TMEM272: variants seen among roughly 807,000 people sequenced by gnomAD.
The protein encoded by TMEM272 is transmembrane protein 272.
In TMEM272, 8 loss-of-function variants were observed where a neutral mutation model predicts 3.7. The observed-to-expected ratio is 2.17, with a 90% CI of 1.27 to 3.91. The LOEUF (loss-of-function observed/expected upper bound fraction) is 3.91, where lower values mean the gene tolerates loss of function less well. Among genes scored for constraint, TMEM272 ranks in the 30% most tolerant of loss-of-function variants. The pLI, the probability that TMEM272 is intolerant of heterozygous loss-of-function variation, is 0.00. For missense variants in TMEM272, 166 were observed against 91.5 expected (o/e 1.81, Z -3.32); for synonymous variants, 63 against 39.8 (o/e 1.58, Z -2.20).
At chr13:51,917,057 C>T in the TMEM272 span, among the ~76,000 whole-genome samples, 44,265 of 152,102 alleles carry the variant, frequency 0.29, 6,593 homozygotes, top group East Asian at 0.49. Flanking sequence ...GCCCTAGCTG[C>T]CCATCTGCTG....
the TMEM272 span, among the ~76,000 whole-genome samples, chr13:51,893,669 C>G: frequency 6.6e-6 from 1 of 152,098 alleles, no homozygotes; most frequent in East Asian, 1.9e-4. Flanking sequence ...TCAGCATCAG[C>G]TGAAGACTCG....
chr13:51,908,372 GAC>G, the TMEM272 span: 2 of 1,502,020 alleles, frequency 1.3e-6, no homozygotes. Flanking sequence ...TCGGTGGACA[GAC>G]ATTTCTCATT....
intron 2 of TMEM272, among the ~76,000 whole-genome samples, chr13:51,837,516 A>G (rs1956225781): frequency 6.6e-6 from 1 of 152,200 alleles, no homozygotes; most frequent in South Asian, 2.1e-4. Flanking sequence ...GTAAAATGTC[A>G]GGGCTGTGCG....
chr13:51,926,983 A>G, the TMEM272 span, among the ~76,000 whole-genome samples: 1,718 of 152,264 alleles, frequency 0.011, 26 homozygotes, highest in African/African-American at 0.037. Flanking sequence ...AGGGGAAAAC[A>G]AAGCCCCCAG....
chr13:51,852,653 G>A, the TMEM272 span, among the ~76,000 whole-genome samples: 1 of 152,190 alleles, frequency 6.6e-6, no homozygotes, highest in Non-Finnish European at 1.5e-5. Flanking sequence ...GCCAAGGCGG[G>A]CAGATCATGA....
the TMEM272 span, among the ~76,000 whole-genome samples, chr13:51,915,929 T>A: frequency 1.3e-5 from 2 of 151,980 alleles, no homozygotes; most frequent in African/African-American, 4.8e-5. Context: ...AAAAATTAGC[T>A]GGGCGTGGTG....
chr13:51,863,667 A>G, the TMEM272 span, among the ~76,000 whole-genome samples: 1 of 77,460 alleles, frequency 1.3e-5, no homozygotes, highest in Non-Finnish European at 2.7e-5. Context: ...ATGCACGCGC[A>G]CACAGACACA....
the TMEM272 span, among the ~76,000 whole-genome samples, chr13:51,897,926 C>CAAA: frequency 0.16 from 15,503 of 98,410 alleles, 1,946 homozygotes; most frequent in African/African-American, 0.21. Context: ...GACTCCATCT[C>CAAA]AAAAAAAAAA....
chr13:51,911,529 C>T, the TMEM272 span, among the ~76,000 whole-genome samples: 10 of 152,224 alleles, frequency 6.6e-5, no homozygotes, highest in Non-Finnish European at 1.0e-4. Flanking sequence ...ACCTCCCGCG[C>T]ATGCACATAT....
chr13:51,877,698 C>T, the TMEM272 span, among the ~76,000 whole-genome samples: 536 of 152,312 alleles, frequency 3.5e-3, 2 homozygotes, highest in African/African-American at 0.012. Context: ...AGTATTTAGA[C>T]AATGAAGATA....
the TMEM272 span, chr13:51,862,037 T>C: frequency 1.4e-4 from 21 of 152,352 alleles, no homozygotes; most frequent in African/African-American, 4.8e-4. Flanking sequence ...CTCCTTTCCT[T>C]AAAGTCTTTT....
intron 1 of TMEM272, among the ~76,000 whole-genome samples, chr13:51,839,333 C>T (rs1168627076): frequency 2.6e-5 from 4 of 152,162 alleles, no homozygotes; most frequent in African/African-American, 7.2e-5. Context: ...GAGGTAGCCC[C>T]GTAAAGACAC....
the TMEM272 span, among the ~76,000 whole-genome samples, chr13:51,915,871 G>GAGAACTTCC: frequency 1.2e-4 from 19 of 152,174 alleles, no homozygotes; most frequent in Non-Finnish European, 2.4e-4. Flanking sequence ...TCAAGAGATG[G>GAGAACTTCC]AGAACTTCCT....
chr13:51,933,596 T>C, the TMEM272 span: 3 of 152,250 alleles, frequency 2.0e-5, no homozygotes, highest in African/African-American at 4.8e-5. Flanking sequence ...GATGCTCCCT[T>C]CGGGGTGCTG....
the TMEM272 span, among the ~76,000 whole-genome samples, chr13:51,915,911 A>G: frequency 3.3e-5 from 5 of 152,106 alleles, no homozygotes; most frequent in African/African-American, 9.7e-5. Context: ...TGTCTCTACT[A>G]AAAATACAAA....
chr13:51,867,619 CT>C, the TMEM272 span, among the ~76,000 whole-genome samples: 1,827 of 152,264 alleles, frequency 0.012, 42 homozygotes, highest in African/African-American at 0.042. Context: ...GCCTGGGTTA[CT>C]GCATGGCCAA....
At chr13:51,822,699 C>T (rs1305101018) in intron 3 of TMEM272, among the ~76,000 whole-genome samples, 2 of 152,172 alleles carry the variant, frequency 1.3e-5, no homozygotes, top group African/African-American at 2.4e-5. Context: ...CCATGCCACT[C>T]GCTGGACCCC....
the TMEM272 span, chr13:51,865,586 T>G: frequency 1.9e-6 from 3 of 1,614,208 alleles, no homozygotes; most frequent in Non-Finnish European, 2.5e-6. Flanking sequence ...GGAAGAGATG[T>G]GGACTTTCCG....
intron 1 of TMEM272, among the ~76,000 whole-genome samples, chr13:51,844,182 G>T: frequency 6.6e-6 from 1 of 152,076 alleles, no homozygotes. Context: ...TCTGAGTTGT[G>T]TCATGAATCA....
Sources: allele counts gnomAD v4.1 joint callset (sites outside exome capture counted in the v4.1 genomes callset), GRCh38; gene constraint gnomAD v4.1.1; transcripts MANE v1.5; gene names NCBI Gene and HGNC (gene_info 2026-07-23, HGNC 2026-07-21).